The following JAZF1 variants were observed in gnomAD, a reference collection of about 807,000 sequenced individuals.
The protein encoded by JAZF1 is JAZF zinc finger 1, also known as juxtaposed with another zinc finger protein 1.
Under a neutral mutation model 26.4 loss-of-function variants are expected in JAZF1, and 8 were observed. That is an observed-to-expected ratio of 0.30 (90% CI 0.18 to 0.55). JAZF1 has a LOEUF of 0.55. JAZF1 is among the 20% of genes least tolerant of loss of function. The pLI is 0.94. For missense variants in JAZF1, 199 were observed against 322.0 expected (o/e 0.62, Z 2.92); for synonymous variants, 126 against 122.3 (o/e 1.03, Z -0.20).
At chr7:27,977,112 G>T (rs1433655779) in intron 2 of JAZF1, among the ~76,000 whole-genome samples, 2 of 152,184 alleles carry the variant, frequency 1.3e-5, no homozygotes, top group Non-Finnish European at 2.9e-5. Flanking sequence ...TCTCAGGAAA[G>T]ATCTCTATTG....
intron 1 of JAZF1, among the ~76,000 whole-genome samples, chr7:28,164,503 T>C (rs550089641): frequency 1.3e-5 from 2 of 152,316 alleles, no homozygotes; most frequent in Non-Finnish European, 2.9e-5. Flanking sequence ...GGTCCAGATG[T>C]CCTCGGTAAA....
At chr7:27,927,124 G>C (rs560952831) in intron 2 of JAZF1, among the ~76,000 whole-genome samples, 1 of 152,276 alleles carries the variant, frequency 6.6e-6, no homozygotes, top group South Asian at 2.1e-4. Flanking sequence ...AGGGAGAAGG[G>C]AGTAACTGAG....
intron 1 of JAZF1, among the ~76,000 whole-genome samples, chr7:27,993,058 T>G (rs907580071): frequency 1.3e-5 from 2 of 152,174 alleles, no homozygotes; most frequent in African/African-American, 4.8e-5. Context: ...TAAAAATCAA[T>G]TTACAATGCT....
intron 1 of JAZF1, among the ~76,000 whole-genome samples, chr7:28,006,285 C>A (rs1782698482): frequency 6.6e-6 from 1 of 152,102 alleles, no homozygotes; most frequent in Non-Finnish European, 1.5e-5. Flanking sequence ...AGGAGAATTA[C>A]TTAAACCTGG....
At chr7:27,885,949 A>G (rs1783854317) in intron 3 of JAZF1, among the ~76,000 whole-genome samples, 1 of 152,220 alleles carries the variant, frequency 6.6e-6, no homozygotes, top group Non-Finnish European at 1.5e-5. Flanking sequence ...GTTTTGATTT[A>G]CATGTGCTAT....
chr7:28,159,278 C>T (rs951400690), intron 1 of JAZF1, among the ~76,000 whole-genome samples: 20 of 151,940 alleles, frequency 1.3e-4, no homozygotes, highest in African/African-American at 4.3e-4. Flanking sequence ...ACTCCCTGTA[C>T]TACTTTTGCA....
intron 1 of JAZF1, among the ~76,000 whole-genome samples, chr7:28,158,186 C>CACACAGAGAG (rs149643430): frequency 2.8e-4 from 40 of 143,426 alleles, no homozygotes; most frequent in East Asian, 4.2e-4. Context: ...CACACACACA[C>CACACAGAGAG]AGAGAGAGAG....
chr7:27,984,152 T>C (rs1453041419), intron 2 of JAZF1, among the ~76,000 whole-genome samples: 2 of 152,146 alleles, frequency 1.3e-5, no homozygotes, highest in African/African-American at 4.8e-5. Context: ...AGACACAGAC[T>C]GGTAAATTGG....
intron 1 of JAZF1, among the ~76,000 whole-genome samples, chr7:28,050,007 C>T (rs1457725590): frequency 2.0e-5 from 3 of 152,120 alleles, no homozygotes; most frequent in Admixed American, 2.0e-4. Flanking sequence ...CGGCTGAAAG[C>T]TCCAACCTTC....
rs1203748242 is a variant in JAZF1, at chr7:27,832,296, T to A, written c.*504A>T. 1 of 213,356 alleles carries A rather than the reference T, an allele frequency of 4.7e-6. No individual in the cohort carries two copies. Among genetic ancestry groups the A allele is most frequent in the Non-Finnish European group, 9.5e-6 (1 of 105,240 alleles). The allele number at this position is 213,356 out of a possible 1,614,324, so 13.2% of individuals were successfully genotyped here. On this transcript the variant is annotated 3_prime_UTR_variant, in exon 5 of 5. Coordinates refer to ENST00000283928, the MANE Select transcript of JAZF1 (RefSeq NM_175061.4). ...CATTCTTTCTTATTTATATTTCCATTACCTAAAGTCTTTCTACTCACAAAT... is the reference window on the plus strand; with the variant it reads ...CATTCTTTCTTATTTATATTTCCATAACCTAAAGTCTTTCTACTCACAAAT...
chr7:27,992,175 A>G, intron 1 of JAZF1, 194 bp from the exon 2 acceptor site: 1 of 651,920 alleles, frequency 1.5e-6, no homozygotes, highest in East Asian at 3.1e-5. Context: ...ATTACTTTTC[A>G]AGGGAATTCC....
At chr7:28,075,558 T>C (rs904783298) in intron 1 of JAZF1, among the ~76,000 whole-genome samples, 8 of 152,206 alleles carry the variant, frequency 5.3e-5, no homozygotes, top group Admixed American at 5.2e-4. Flanking sequence ...CCTATAAATG[T>C]ATATTGTAAT....
rs114543194 is a variant in JAZF1 at position 28,095,760 on chromosome 7, T to C, written c.115+84703A>G. On this transcript the variant is annotated intron_variant, in intron 1 of 4. Coordinates refer to ENST00000283928, the MANE Select transcript of JAZF1 (RefSeq NM_175061.4). ...AGATCCTAAGAGGGCATCAGTCAGC[T>C]TAGGCTGCCATAACAGAATACCACA... Among the ~76,000 whole-genome samples, 318 of 152,314 alleles carry C rather than the reference T, an allele frequency of 2.1e-3. 1 individual carries two copies. Among genetic ancestry groups the C allele is most frequent in the African/African-American group, 6.8e-3 (282 of 41,574 alleles).
chr7:28,051,387 T>A (rs1783614625), intron 1 of JAZF1, among the ~76,000 whole-genome samples: 1 of 151,610 alleles, frequency 6.6e-6, no homozygotes, highest in Non-Finnish European at 1.5e-5. Context: ...GCCTGGCTAA[T>A]TTTTTTGTAT....
intron 1 of JAZF1, among the ~76,000 whole-genome samples, chr7:27,994,209 C>T (rs968065333): frequency 2.0e-5 from 3 of 152,066 alleles, no homozygotes; most frequent in African/African-American, 7.2e-5. Flanking sequence ...TTTTGTTGCT[C>T]AAATAAATGG....
At chr7:28,056,746 A>G (rs1023563019) in intron 1 of JAZF1, among the ~76,000 whole-genome samples, 1 of 51,384 alleles carries the variant, frequency 1.9e-5, no homozygotes, top group Non-Finnish European at 4.1e-5. Flanking sequence ...CATCCTAACA[A>G]TTCCTGATGC....
At chr7:27,900,683 G>A (rs1025502769) in intron 2 of JAZF1, among the ~76,000 whole-genome samples, 1 of 152,196 alleles carries the variant, frequency 6.6e-6, no homozygotes, top group African/African-American at 2.4e-5. Context: ...GGGAAGGAAC[G>A]AAGAATGAAT....
At chr7:28,104,487 A>T (rs1211552175) in intron 1 of JAZF1, among the ~76,000 whole-genome samples, 1 of 152,252 alleles carries the variant, frequency 6.6e-6, no homozygotes, top group African/African-American at 2.4e-5. Flanking sequence ...TCTGAGTTAC[A>T]TAAGAAGCCC....
intron 1 of JAZF1, among the ~76,000 whole-genome samples, chr7:28,132,911 CA>C (rs1430575968): frequency 6.6e-6 from 1 of 152,130 alleles, no homozygotes; most frequent in African/African-American, 2.4e-5. Context: ...GCTGCTGCTG[CA>C]GTAGCAACAC....
Sources: gnomAD v4.1 joint callset for allele counts (sites outside exome capture counted in the v4.1 genomes callset) on GRCh38, gnomAD v4.1.1 for gene constraint, MANE v1.5 for transcripts, NCBI Gene and HGNC (gene_info 2026-07-23, HGNC 2026-07-21) for gene names.